Variants in UCP2 observed in about 807,000 individuals in gnomAD.
The protein encoded by UCP2 is dicarboxylate carrier SLC25A8.
In UCP2, 27 loss-of-function variants were observed where a neutral mutation model predicts 31.3. The ratio of observed to expected loss-of-function variants is 0.86; its 90% CI spans 0.64 to 1.19. The LOEUF (loss-of-function observed/expected upper bound fraction) is 1.19, where lower values mean the gene tolerates loss of function less well. UCP2 is among the 50% of genes most tolerant of loss of function. The pLI, the probability that UCP2 is intolerant of heterozygous loss-of-function variation, is 0.00. For synonymous variants in UCP2, 142 were observed against 157.4 expected (o/e 0.90, Z 0.73); for missense variants, 377 against 413.5 (o/e 0.91, Z 0.76).
chr11:73,978,433 A>T lies in UCP2; in HGVS notation c.-55T>A. On this transcript the variant is annotated 5_prime_UTR_variant, in exon 3 of 8. Coordinates refer to ENST00000663595, the MANE Select transcript of UCP2 (RefSeq NM_003355.3). ...ATGGAGAAAAACTGGAGACAGGGGC[A>T]CCTTTAATCAGCAACAAGACGAGAT... The T allele has an allele frequency of 6.2e-7, 1 of 1,611,500 alleles. No individual in the cohort carries two copies. Among genetic ancestry groups the T allele is most frequent in the Non-Finnish European group, 8.5e-7 (1 of 1,178,982 alleles).
At chr11:73,977,095 C>A in intron 4 of UCP2, 78 bp from the exon 5 acceptor site, 1 of 1,433,806 alleles carries the variant, frequency 7.0e-7, no homozygotes, top group Non-Finnish European at 9.4e-7. Flanking sequence ...CAAAACCACC[C>A]TGTCACTGTC....
At chr11:73,979,610 T>G (rs1479165918) in intron 2 of UCP2, among the ~76,000 whole-genome samples, 1 of 152,094 alleles carries the variant, frequency 6.6e-6, no homozygotes, top group Non-Finnish European at 1.5e-5. Context: ...GAGGACTGCT[T>G]GAACCCAGGA....
At position 73,976,901 on chromosome 11, in the gene UCP2, C is replaced by T. The variant is rs1402267840; in HGVS notation, c.454G>A (p.Gly152Ser). The part of the protein sequence containing the change: ...VRFQAQARAG[G>S]GRRYQSTVNA... The stretch of plus-strand genomic sequence containing the variant: ...ACGGTGCTTTGGTATCTCCGACCAC[C>T]TCCAGCCCGGGCCTGAGCTTGGAAT... The change falls in exon 5 of 8, where the codon GGT becomes AGT. Residue 152 changes from glycine (G) to serine (S), a missense_variant. Coordinates refer to ENST00000663595, the MANE Select transcript of UCP2 (RefSeq NM_003355.3). 3.7e-6 allele frequency: 6 copies of T among 1,614,062 alleles called. No homozygotes were observed. Among genetic ancestry groups the T allele is most frequent in the Admixed American group, 1.7e-5 (1 of 60,004 alleles).
chr11:73,980,352 G>A (rs1951431307), intron 2 of UCP2, among the ~76,000 whole-genome samples: 1 of 152,144 alleles, frequency 6.6e-6, no homozygotes, highest in African/African-American at 2.4e-5. Flanking sequence ...CACTCCAGGT[G>A]GCTGGGGCAA....
At chr11:73,976,070 A>T (rs944567772) in intron 6 of UCP2, among the ~76,000 whole-genome samples, 2 of 152,032 alleles carry the variant, frequency 1.3e-5, no homozygotes, top group African/African-American at 4.8e-5. Flanking sequence ...CTGTCTCAAA[A>T]AACAAACAAG....
intron 2 of UCP2, among the ~76,000 whole-genome samples, chr11:73,980,373 GA>G (rs1465713227): frequency 2.6e-5 from 4 of 152,188 alleles, no homozygotes; most frequent in African/African-American, 9.7e-5. Context: ...GCAGGGAAAT[GA>G]AGATACTCAC....
chr11:73,976,977 T>C lies in UCP2; in HGVS notation c.378A>G (p.Thr126=), dbSNP rs1008669892. The C allele has an allele frequency of 3.1e-6, 5 of 1,605,574 alleles. No homozygotes were observed. Among genetic ancestry groups the C allele is most frequent in the Non-Finnish European group, 3.4e-6 (4 of 1,173,906 alleles). ...IGSRLLAGST[T]GALAVAVAQP... Reference sequence around the variant, plus strand: ...GGGCCACAGCCACAGCCAGGGCACCTGTGGTGCTGCCTGCTAGGAGGCGGC... The same window carrying C: ...GGGCCACAGCCACAGCCAGGGCACCCGTGGTGCTGCCTGCTAGGAGGCGGC... The change falls in exon 5 of 8, where the codon ACA becomes ACG. Residue 126 remains threonine (T), a synonymous_variant. Coordinates refer to ENST00000663595, the MANE Select transcript of UCP2 (RefSeq NM_003355.3).
Position 73,977,913 on chromosome 11 carries a change from T to C in UCP2, c.310A>G (p.Lys104Glu), listed in dbSNP as rs754485408. 10 of 1,614,102 alleles carry C rather than the reference T, an allele frequency of 6.2e-6. No individual in the cohort carries two copies. The East Asian group carries it at 2.2e-4, about 36-fold the overall frequency. ...TCAGAGCCCTTGGTGTAGAACTGTT[T>C]GACAGAATCATACAGGCCGATGCGG... ...SVRIGLYDSV[K>E]QFYTKGSEHA... Residue 104 changes from lysine to glutamate, a missense_variant, in exon 4 of 8, where the codon AAA becomes GAA. Transcript: ENST00000663595.
chr11:73,979,777 C>T (rs1337959730), intron 2 of UCP2, among the ~76,000 whole-genome samples: 1 of 151,004 alleles, frequency 6.6e-6, no homozygotes, highest in African/African-American at 2.4e-5. Flanking sequence ...GTGATTGTGC[C>T]ACTGTGCTCC....
chr11:73,977,009 T>A lies in UCP2; in HGVS notation c.346A>T (p.Ile116Phe). 2.5e-6 allele frequency: 4 copies of A among 1,599,140 alleles called. No individual in the cohort carries two copies. The highest frequency in any genetic ancestry group is 2.6e-6 in the Non-Finnish European group (3 of 1,170,128). Reference sequence around the variant, plus strand: ...CTGCCTGCTAGGAGGCGGCTCCCAATGCTGGCATCTGTGGGCGAGCCATGG... The same window carrying A: ...CTGCCTGCTAGGAGGCGGCTCCCAAAGCTGGCATCTGTGGGCGAGCCATGG... ...FYTKGSEHAS[I>F]GSRLLAGSTT... The change falls in exon 5 of 8, where the codon ATT becomes TTT. Residue 116 changes from isoleucine (I) to phenylalanine (F), a missense_variant. Transcript: ENST00000663595.
chr11:73,975,029 G>T lies in UCP2; in HGVS notation c.908C>A (p.Thr303Asn), dbSNP rs1416362411. ...QLKRALMAAC[T>N]SREAPF ...GGCTCAGAAGGGAGCCTCTCGGGAA[G>T]TGCAGGCAGCCATGAGGGCTCGTTT... The change falls in exon 8 of 8, where the codon ACT becomes AAT. Residue 303 changes from threonine to asparagine, a missense_variant. Coordinates refer to ENST00000663595, the MANE Select transcript of UCP2 (RefSeq NM_003355.3). 1.2e-6 allele frequency: 2 copies of T among 1,612,978 alleles called. No individual in the cohort carries two copies. Among genetic ancestry groups the T allele is most frequent in the East Asian group, 4.5e-5 (2 of 44,838 alleles).
intron 7 of UCP2, among the ~76,000 whole-genome samples, 159 bp from the exon 8 acceptor site, chr11:73,975,280 T>C (rs899603143): frequency 4.6e-5 from 7 of 152,196 alleles, no homozygotes; most frequent in Admixed American, 6.5e-5. Flanking sequence ...TGAATTCCCT[T>C]TGAGTCTCCA....
Position 73,978,447 on chromosome 11 carries a change from A to G in UCP2, c.-69T>C. The G allele has an allele frequency of 6.2e-7, 1 of 1,603,808 alleles. No individual in the cohort carries two copies. The highest frequency in any genetic ancestry group is 1.3e-5 in the African/African-American group (1 of 74,842). ...GAGACAGGGGCACCTTTAATCAGCA[A>G]CAAGACGAGATAGAGGAACTCTGCC... is the stretch of plus-strand genomic sequence containing the variant. On this transcript the variant is annotated 5_prime_UTR_variant, in exon 3 of 8. Coordinates refer to ENST00000663595, the MANE Select transcript of UCP2 (RefSeq NM_003355.3).
At position 73,976,843 on chromosome 11, in the gene UCP2, C is replaced by T; in HGVS notation, c.512G>A (p.Gly171Glu). 1.2e-6 allele frequency: 2 copies of T among 1,614,220 alleles called. No individual in the cohort carries two copies. Among genetic ancestry groups the T allele is most frequent in the Non-Finnish European group, 8.5e-7 (1 of 1,180,036 alleles). The change falls in exon 5 of 8, where the codon GGG (glycine) becomes GAG (glutamate). Residue 171 changes from glycine to glutamate, a missense_variant. By Grantham distance (98) the Gly-to-Glu change is moderately conservative. Coordinates refer to ENST00000663595, the MANE Select transcript of UCP2 (RefSeq NM_003355.3). ...CACACCTTTCCAGAGGCCCCGGAAC[C>T]CTTCCTCTCGGGCAATGGTCTTGTA... is the stretch of plus-strand genomic sequence containing the variant. ...NAYKTIAREE[G>E]FRGLWKGTSP...
intron 2 of UCP2, among the ~76,000 whole-genome samples, chr11:73,979,107 T>C (rs1052738141): frequency 6.6e-6 from 1 of 152,216 alleles, no homozygotes; most frequent in Admixed American, 6.5e-5. Context: ...AGATAGTATC[T>C]ACTCTAGAGG....
intron 3 of UCP2, 43 bp downstream of exon 3, chr11:73,978,210 A>G (rs1306144195): frequency 1.9e-6 from 3 of 1,613,996 alleles, no homozygotes; most frequent in Non-Finnish European, 2.5e-6. Context: ...TGGGGAGGGA[A>G]CAGAGTAGAC....
In UCP2 at chr11:73,975,595, C is replaced by T. The variant is rs753483582; in HGVS notation, c.711G>A (p.Val237=). ...CTTVIASPVD[V]VKTRYMNSAL... is the part of the protein sequence containing the mutation. ...CAGAGTTCATGTATCTCGTCTTGACCACGTCTACAGGGGAGGCGATGACAG... is the reference window on the plus strand; with the variant it reads ...CAGAGTTCATGTATCTCGTCTTGACTACGTCTACAGGGGAGGCGATGACAG... Residue 237 remains valine (V), a synonymous_variant, in exon 7 of 8, where the codon GTG becomes GTA. Transcript: ENST00000663595. 1.9e-6 allele frequency: 3 copies of T among 1,614,022 alleles called. No homozygotes were observed. Among genetic ancestry groups the T allele is most frequent in the Non-Finnish European group, 1.7e-6 (2 of 1,180,042 alleles).
At position 73,975,814 on chromosome 11, in the gene UCP2, ACTT is replaced by A. The variant is rs10535527; in HGVS notation, c.635-146_635-144del. 0.41 allele frequency: 437,407 copies of A among 1,055,832 alleles called. 98,236 individuals are homozygous for A. The highest frequency in any genetic ancestry group is 0.76 in the African/African-American group (47,827 of 63,020). The allele number at this position is 1,055,832 out of a possible 1,614,324, so 65.4% of individuals were successfully genotyped here. A position where few individuals can be genotyped will look rare whatever the true frequency, so the allele number is the denominator to read the frequency against. On this transcript the variant is annotated intron_variant, in intron 6 of 7. Coordinates refer to ENST00000663595, the MANE Select transcript of UCP2 (RefSeq NM_003355.3). ...CAATGTCTCATGCCTGTAATCCAGG[ACTT>A]CTTTTGGAGGCCGAGGTGGGTGGAT...
At chr11:73,975,719 C>G in intron 6 of UCP2, 48 bp from the exon 7 acceptor site, 2 of 1,607,828 alleles carry the variant, frequency 1.2e-6, no homozygotes, top group Non-Finnish European at 1.7e-6. Flanking sequence ...ACCCATCATT[C>G]CAGAAGGCAG....
Sources: allele counts gnomAD v4.1 joint callset (sites outside exome capture counted in the v4.1 genomes callset), GRCh38; gene constraint gnomAD v4.1.1; transcripts MANE v1.5; gene names NCBI Gene and HGNC (gene_info 2026-07-23, HGNC 2026-07-21).